The following DPP6 variants were observed in gnomAD, a reference collection of about 807,000 sequenced individuals.
DPP6 encodes A-type potassium channel modulatory protein DPP6.
Under a neutral mutation model 122.6 loss-of-function variants are expected in DPP6, and 69 were observed. The observed-to-expected ratio is 0.56, with a 90% CI of 0.46 to 0.69. DPP6 has a LOEUF of 0.69. DPP6 is among the 30% of genes least tolerant of loss of function. DPP6 has a pLI of 0.00. For missense variants in DPP6, 928 were observed against 1,116.9 expected (o/e 0.83, Z 2.41); for synonymous variants, 418 against 433.1 (o/e 0.97, Z 0.43).
chr7:154,101,935 C>CA (rs915468915), intron 1 of DPP6, among the ~76,000 whole-genome samples: 1,670 of 40,160 alleles, frequency 0.042, 70 homozygotes, highest in African/African-American at 0.077. Context: ...TACTCCATCT[C>CA]AAAAAAAAAA....
chr7:154,530,913 G>T (rs150221062), intron 3 of DPP6, among the ~76,000 whole-genome samples: 56 of 152,130 alleles, frequency 3.7e-4, no homozygotes, highest in African/African-American at 1.3e-3. Context: ...ACCAAACACC[G>T]CATGTTCTCA....
the DPP6 span, among the ~76,000 whole-genome samples, chr7:153,786,521 C>T: frequency 3.3e-5 from 5 of 151,356 alleles, no homozygotes; most frequent in African/African-American, 1.2e-4. Flanking sequence ...GGGCGGATCA[C>T]GAGGTCAGGA....
chr7:154,134,161 A>G (rs567440433), intron 1 of DPP6, among the ~76,000 whole-genome samples: 1 of 152,162 alleles, frequency 6.6e-6, no homozygotes, highest in African/African-American at 2.4e-5. Flanking sequence ...CACCCAGGGG[A>G]ATGCCGAGGA....
At chr7:153,942,959 A>G (rs1016059190) in intron 1 of DPP6, among the ~76,000 whole-genome samples, 7 of 152,176 alleles carry the variant, frequency 4.6e-5, no homozygotes, top group African/African-American at 1.2e-4. Flanking sequence ...TCTCTGATGC[A>G]TGGTTGACCT....
the DPP6 span, among the ~76,000 whole-genome samples, chr7:153,748,658 T>C: frequency 9.7e-6 from 1 of 103,100 alleles, no homozygotes; most frequent in Admixed American, 1.1e-4. Context: ...TCCTGAACTG[T>C]TTCCCGGGGA....
chr7:154,062,823 C>T (rs185622202), intron 1 of DPP6, among the ~76,000 whole-genome samples: 2 of 123,956 alleles, frequency 1.6e-5, no homozygotes. Context: ...GGGGAGGCAC[C>T]CCCCGCGAGG....
At chr7:154,488,383 G>T (rs903032494) in intron 3 of DPP6, among the ~76,000 whole-genome samples, 1 of 151,704 alleles carries the variant, frequency 6.6e-6, no homozygotes. Context: ...CCAGCTACTC[G>T]GGAGGCAGTG....
chr7:154,151,316 G>A (rs1190668169), intron 1 of DPP6, among the ~76,000 whole-genome samples: 1 of 152,184 alleles, frequency 6.6e-6, no homozygotes, highest in Admixed American at 6.5e-5. Flanking sequence ...TTGTCTCTGA[G>A]CTGCGGGCTT....
At chr7:154,819,244 G>C (rs961672590) in intron 16 of DPP6, among the ~76,000 whole-genome samples, 1 of 152,164 alleles carries the variant, frequency 6.6e-6, no homozygotes, top group Non-Finnish European at 1.5e-5. Flanking sequence ...GTGAAACCCT[G>C]TCTCTACTAA....
the DPP6 span, among the ~76,000 whole-genome samples, chr7:153,879,927 T>A: frequency 1.3e-5 from 2 of 152,214 alleles, no homozygotes; most frequent in African/African-American, 4.8e-5. Context: ...CCCCGCTATG[T>A]TGGTAGACAC....
At chr7:154,587,079 G>A (rs1423568863) in intron 5 of DPP6, 2 of 152,944 alleles carry the variant, frequency 1.3e-5, no homozygotes, top group Admixed American at 6.5e-5. Context: ...ACAAAAGGAT[G>A]CGCAAGAGAG....
chr7:154,405,788 C>G (rs532170579), intron 1 of DPP6, among the ~76,000 whole-genome samples: 1 of 152,268 alleles, frequency 6.6e-6, no homozygotes, highest in South Asian at 2.1e-4. Flanking sequence ...TGTTCATCCT[C>G]CTCCATCGCA....
intron 10 of DPP6, among the ~76,000 whole-genome samples, chr7:154,785,120 T>C (rs1356159012): frequency 6.6e-6 from 1 of 152,164 alleles, no homozygotes; most frequent in Admixed American, 6.5e-5. Flanking sequence ...ACACCGTGGG[T>C]TTATTTATTG....
intron 1 of DPP6, among the ~76,000 whole-genome samples, chr7:153,989,899 A>C (rs930414359): frequency 2.0e-4 from 31 of 151,302 alleles, no homozygotes; most frequent in Non-Finnish European, 3.5e-4. Context: ...CCCTGACCTG[A>C]CAGTCCTGCC....
chr7:153,981,405 C>T (rs1022878912), intron 1 of DPP6, among the ~76,000 whole-genome samples: 1 of 152,114 alleles, frequency 6.6e-6, no homozygotes, highest in African/African-American at 2.4e-5. Flanking sequence ...GTTAATTTTC[C>T]TCCATCCCTT....
intron 1 of DPP6, among the ~76,000 whole-genome samples, chr7:154,377,674 G>A (rs1467465329): frequency 6.6e-6 from 1 of 152,022 alleles, no homozygotes; most frequent in Non-Finnish European, 1.5e-5. Flanking sequence ...GACGTGCCTT[G>A]CTTCCCCTTC....
chr7:153,858,648 G>A, the DPP6 span, among the ~76,000 whole-genome samples: 1 of 152,198 alleles, frequency 6.6e-6, no homozygotes, highest in African/African-American at 2.4e-5. Context: ...TACTGTGTGA[G>A]CAATTAAATC....
chr7:154,803,984 C>G, intron 14 of DPP6, 29 bp downstream of exon 14: 1 of 1,609,176 alleles, frequency 6.2e-7, no homozygotes, highest in Middle Eastern at 1.7e-4. Context: ...CCTGCCCCAT[C>G]TTACTGGCCA....
At chr7:154,769,650 G>A (rs1239420596) in intron 9 of DPP6, 79 bp downstream of exon 9, 21 of 1,421,712 alleles carry the variant, frequency 1.5e-5, no homozygotes, top group Non-Finnish European at 1.8e-5. Flanking sequence ...GTGTGCAGAC[G>A]TGATCATCAG....
Sources: gnomAD v4.1 joint callset for allele counts (sites outside exome capture counted in the v4.1 genomes callset) on GRCh38, gnomAD v4.1.1 for gene constraint, MANE v1.5 for transcripts, NCBI Gene and HGNC (gene_info 2026-07-23, HGNC 2026-07-21) for gene names.